MSRA: variants seen among roughly 807,000 people sequenced by gnomAD.
The protein encoded by MSRA is mitochondrial peptide methionine sulfoxide reductase.
A neutral mutation model predicts 31.3 loss-of-function variants in MSRA; 54 were observed. The ratio of observed to expected loss-of-function variants is 1.73; its 90% CI spans 1.39 to 2.17. The LOEUF is 2.17. Among genes scored for constraint, MSRA ranks in the 30% most tolerant of loss-of-function variants. MSRA has a pLI of 0.00. For synonymous variants in MSRA, 169 were observed against 116.5 expected, an observed-to-expected ratio of 1.45 and a Z score of -2.90; for missense variants, 507 against 300.9, an observed-to-expected ratio of 1.69 and a Z score of -5.07.
intron 1 of MSRA, among the ~76,000 whole-genome samples, chr8:10,136,119 A>T (rs1352894249): frequency 2.0e-5 from 3 of 152,058 alleles, no homozygotes; most frequent in Non-Finnish European, 4.4e-5. Context: ...GAAAGTGAGT[A>T]ACACATGGGC....
intron 4 of MSRA, among the ~76,000 whole-genome samples, chr8:10,304,304 A>G (rs543464623): frequency 1.3e-5 from 2 of 152,386 alleles, no homozygotes; most frequent in African/African-American, 2.4e-5. Flanking sequence ...GTTAATGCAC[A>G]TGGAAAATAT....
Position 10,177,262 on chromosome 8 carries a change from G to A in MSRA, c.143-30571G>A, listed in dbSNP as rs144226178. Among the ~76,000 whole-genome samples, 4 of 152,200 alleles carry A rather than the reference G, an allele frequency of 2.6e-5. No individual in the cohort carries two copies. In the East Asian group the frequency reaches 5.8e-4, roughly 22 times the overall value. ...CAGGTGGTGCTGATTCATTGGTGGG[G>A]GATTGGTTTATTTCCCATAGTTCTA... On this transcript the variant is annotated intron_variant, in intron 1 of 5. Coordinates refer to ENST00000317173, the MANE Select transcript of MSRA (RefSeq NM_012331.5).
intron 5 of MSRA, among the ~76,000 whole-genome samples, chr8:10,332,051 T>C (rs985930515): frequency 6.6e-6 from 1 of 152,168 alleles, no homozygotes; most frequent in Non-Finnish European, 1.5e-5. Flanking sequence ...TTTCCAACCA[T>C]AGTTACAATA....
At chr8:10,424,016 G>A (rs1234638154) in intron 5 of MSRA, among the ~76,000 whole-genome samples, 1 of 152,234 alleles carries the variant, frequency 6.6e-6, no homozygotes, top group Non-Finnish European at 1.5e-5. Flanking sequence ...GAGAACAGAA[G>A]GGTTTTTGTA....
chr8:10,055,045 C>T (rs1644359672), intron 1 of MSRA, among the ~76,000 whole-genome samples: 1 of 152,224 alleles, frequency 6.6e-6, no homozygotes, highest in Non-Finnish European at 1.5e-5. Context: ...CTCCTCTGCG[C>T]CGGCCGCCGG....
chr8:10,290,576 G>A (rs969517230), intron 3 of MSRA, among the ~76,000 whole-genome samples: 4 of 152,176 alleles, frequency 2.6e-5, no homozygotes. Flanking sequence ...TGCCAGGCCT[G>A]CCCCCAGCTC....
At chr8:10,267,723 C>T (rs1383970621) in intron 3 of MSRA, among the ~76,000 whole-genome samples, 2 of 152,164 alleles carry the variant, frequency 1.3e-5, no homozygotes, top group Non-Finnish European at 2.9e-5. Flanking sequence ...CACTTAGTCT[C>T]TCCCGACACC....
At chr8:10,257,570 G>C (rs1296754840) in intron 3 of MSRA, among the ~76,000 whole-genome samples, 2 of 152,080 alleles carry the variant, frequency 1.3e-5, no homozygotes, top group Non-Finnish European at 2.9e-5. Context: ...CCGCGCCCAA[G>C]TAGTTTTTTG....
chr8:10,341,646 G>A (rs1285550573), intron 5 of MSRA, among the ~76,000 whole-genome samples: 1 of 152,126 alleles, frequency 6.6e-6, no homozygotes, highest in African/African-American at 2.4e-5. Flanking sequence ...ACAAACTTAG[G>A]TACCTGTTTG....
At chr8:10,330,150 C>G (rs1334731585) in intron 5 of MSRA, among the ~76,000 whole-genome samples, 9 of 146,542 alleles carry the variant, frequency 6.1e-5, no homozygotes, top group Admixed American at 4.2e-4. Context: ...TTTAAATGAT[C>G]TAAGTGTGGA....
intron 5 of MSRA, among the ~76,000 whole-genome samples, chr8:10,341,792 C>A (rs1369009529): frequency 6.6e-6 from 1 of 152,216 alleles, no homozygotes; most frequent in South Asian, 2.1e-4. Context: ...AATGTTCTGT[C>A]TGCAGCTGTA....
intron 1 of MSRA, among the ~76,000 whole-genome samples, chr8:10,142,704 G>T (rs1380943529): frequency 6.6e-6 from 1 of 152,202 alleles, no homozygotes; most frequent in African/African-American, 2.4e-5. Context: ...GACAGTGAGT[G>T]TGATGCTTAA....
At chr8:10,212,490 A>G (rs1309142649) in intron 2 of MSRA, among the ~76,000 whole-genome samples, 3 of 152,260 alleles carry the variant, frequency 2.0e-5, no homozygotes, top group Non-Finnish European at 2.9e-5. Flanking sequence ...ATTGGATTGT[A>G]TATAATGTCA....
intron 1 of MSRA, among the ~76,000 whole-genome samples, chr8:10,178,709 C>T (rs900460839): frequency 1.3e-5 from 2 of 151,930 alleles, no homozygotes; most frequent in Non-Finnish European, 2.9e-5. Flanking sequence ...TCAAAGTAAC[C>T]CAGGTTCATA....
At chr8:10,164,991 G>C (rs773370415) in intron 1 of MSRA, among the ~76,000 whole-genome samples, 1 of 152,154 alleles carries the variant, frequency 6.6e-6, no homozygotes, top group African/African-American at 2.4e-5. Context: ...TCATGCCACT[G>C]CACTCCACCC....
At chr8:10,078,700 C>T (rs1231378484) in intron 1 of MSRA, among the ~76,000 whole-genome samples, 3 of 152,240 alleles carry the variant, frequency 2.0e-5, no homozygotes, top group African/African-American at 7.2e-5. Context: ...GTCCCAAGCT[C>T]CTTAGCTATA....
chr8:10,401,385 T>C (rs999604006), intron 5 of MSRA, among the ~76,000 whole-genome samples: 1 of 152,178 alleles, frequency 6.6e-6, no homozygotes, highest in Non-Finnish European at 1.5e-5. Context: ...AGGACGGCTA[T>C]TATCAAAACA....
chr8:10,149,349 C>T (rs917228117), intron 1 of MSRA, among the ~76,000 whole-genome samples: 3 of 152,054 alleles, frequency 2.0e-5, no homozygotes, highest in South Asian at 2.1e-4. Flanking sequence ...TCTCAAACTC[C>T]GCGACCTCAG....
chr8:10,298,470 A>G (rs1330425155), intron 3 of MSRA, among the ~76,000 whole-genome samples: 1 of 152,122 alleles, frequency 6.6e-6, no homozygotes, highest in Non-Finnish European at 1.5e-5. Context: ...GCCCAGTGGG[A>G]GCGGGCAAGG....
Sources: gnomAD v4.1 joint callset for allele counts (sites outside exome capture counted in the v4.1 genomes callset) on GRCh38, gnomAD v4.1.1 for gene constraint, MANE v1.5 for transcripts, NCBI Gene and HGNC (gene_info 2026-07-23, HGNC 2026-07-21) for gene names.